The following ZNF266 variants were observed in gnomAD, a reference collection of about 807,000 sequenced individuals.
ZNF266 encodes zinc finger protein 1.
ZNF266 carries 16 observed loss-of-function variants against 16.4 expected under a neutral mutation model. The ratio of observed to expected loss-of-function variants is 0.98; its 90% CI spans 0.66 to 1.48. ZNF266 has a LOEUF of 1.48. Among genes scored for constraint, ZNF266 ranks in the 40% most tolerant of loss-of-function variants. ZNF266 has a pLI of 0.00. For missense variants in ZNF266, 738 were observed against 689.1 expected, an observed-to-expected ratio of 1.07 and a Z score of -0.79; for synonymous variants, 262 against 237.9, an observed-to-expected ratio of 1.10 and a Z score of -0.93.
intron 5 of ZNF266, among the ~76,000 whole-genome samples, chr19:9,424,100 ATCT>A (rs2070342251): frequency 6.6e-6 from 1 of 151,958 alleles, no homozygotes; most frequent in South Asian, 2.1e-4. Flanking sequence ...TGGTCTGGAG[ATCT>A]TCTTAGACCC....
chr19:9,417,788 C>G, intron 9 of ZNF266, 40 bp downstream of exon 9: 1 of 1,525,704 alleles, frequency 6.6e-7, no homozygotes, highest in Non-Finnish European at 9.1e-7. Flanking sequence ...TATAAACATA[C>G]TGAACTTATT....
intron 5 of ZNF266, among the ~76,000 whole-genome samples, chr19:9,425,953 G>A (rs1212410014): frequency 2.0e-5 from 3 of 152,144 alleles, no homozygotes; most frequent in Non-Finnish European, 4.4e-5. Flanking sequence ...TTAGCGGAGT[G>A]CAAGAGGAAG....
In ZNF266 at chr19:9,413,605, T is replaced by C. The variant is rs1340872039; in HGVS notation, c.1521A>G (p.Glu507=). The C allele has an allele frequency of 4.3e-6, 7 of 1,613,954 alleles. No individual in the cohort carries two copies. The South Asian group carries it at 7.7e-5, about 18-fold the overall frequency. The stretch of plus-strand genomic sequence containing the variant: ...AGGAATGCGTAAATGCTTTACCACA[T>C]TCCAGGCACTCAAAGGGCTTCTCTC... The part of the protein sequence containing the change: ...HTGEKPFECL[E]CGKAFTHSSS... Residue 507 remains glutamate (E), a synonymous_variant, in exon 11 of 11, where the codon GAA becomes GAG. Coordinates refer to ENST00000592904, the MANE Select transcript of ZNF266 (RefSeq NM_001370374.1).
rs1434237721 is a variant in ZNF266, at chr19:9,414,417, G to C, written c.709C>G (p.His237Asp). 2.5e-6 allele frequency: 4 copies of C among 1,614,074 alleles called. No homozygotes were observed. The African/African-American group carries it at 5.3e-5, about 22-fold the overall frequency. The change falls in exon 11 of 11, where the codon CAC becomes GAC. Residue 237 changes from histidine to aspartate, a missense_variant. By Grantham distance (81) the His-to-Asp change is moderately conservative. Coordinates refer to ENST00000592904, the MANE Select transcript of ZNF266 (RefSeq NM_001370374.1). ...DSGKSFINHS[H>D]LQGHLRTHNG... is the part of the protein sequence containing the mutation. ...TGAGTTCTTAAATGTCCCTGAAGGT[G>C]TGAATGATTAATGAAGGATTTCCCA...
Position 9,414,173 on chromosome 19 carries a change from C to A in ZNF266, c.953G>T (p.Arg318Met), listed in dbSNP as rs775333623. The change falls in exon 11 of 11, where the codon AGG becomes ATG. Residue 318 changes from arginine to methionine, a missense_variant. Coordinates refer to ENST00000592904, the MANE Select transcript of ZNF266 (RefSeq NM_001370374.1). ...ECKECGKAFTRSCQLTQHRKT... is the reference protein window; with the variant it reads ...ECKECGKAFTMSCQLTQHRKT... Reference sequence around the variant, plus strand: ...TCTGTGCTGAGTAAGTTGACAAGACCTGGTGAAGGCTTTCCCACACTCCTT... The same window carrying A: ...TCTGTGCTGAGTAAGTTGACAAGACATGGTGAAGGCTTTCCCACACTCCTT... 6.2e-7 allele frequency: 1 copy of A among 1,612,870 alleles called. No individual in the cohort carries two copies. Among genetic ancestry groups the A allele is most frequent in the South Asian group, 1.1e-5 (1 of 91,012 alleles).
intron 9 of ZNF266, among the ~76,000 whole-genome samples, chr19:9,416,101 C>T (rs566215704): frequency 7.6e-4 from 116 of 152,312 alleles, no homozygotes; most frequent in African/African-American, 2.6e-3. Flanking sequence ...GGATTACAGG[C>T]ATTAGCCACC....
intron 9 of ZNF266, 133 bp downstream of exon 9, chr19:9,417,695 C>T (rs2069263525): frequency 4.6e-6 from 3 of 658,662 alleles, no homozygotes; most frequent in Non-Finnish European, 7.8e-6. Context: ...TTGCAGTGAG[C>T]TGAGACTGTG....
chr19:9,416,318 T>C (rs561263806), intron 9 of ZNF266, among the ~76,000 whole-genome samples: 5 of 150,530 alleles, frequency 3.3e-5, no homozygotes, highest in East Asian at 1.9e-4. Flanking sequence ...AGTTGAGGAA[T>C]AGAACAAAAA....
At position 9,414,497 on chromosome 19, in the gene ZNF266, T is replaced by C; in HGVS notation, c.629A>G (p.Asp210Gly). Reference sequence around the variant, plus strand: ...TGTGCACGTTCTCTGGCAAACAACATCTGGGTTCAGGCTGAAGGCTTTTCC... The same window carrying C: ...TGTGCACGTTCTCTGGCAAACAACACCTGGGTTCAGGCTGAAGGCTTTTCC... The part of the protein sequence containing the change: ...QCGKAFSLNP[D>G]VVCQRTCTGE... Residue 210 changes from aspartate to glycine, a missense_variant, in exon 11 of 11, where the codon GAT (aspartate) becomes GGT (glycine). By Grantham distance (94) the Asp-to-Gly change is moderately conservative (BLOSUM62 -1). Transcript: ENST00000592904. 6.2e-7 allele frequency: 1 copy of C among 1,614,206 alleles called. No homozygotes were observed. The highest frequency in any genetic ancestry group is 8.5e-7 in the Non-Finnish European group (1 of 1,180,024).
At chr19:9,432,674 A>G (rs1362964793) in intron 5 of ZNF266, among the ~76,000 whole-genome samples, 1 of 152,236 alleles carries the variant, frequency 6.6e-6, no homozygotes, top group Non-Finnish European at 1.5e-5. Context: ...CACTTCTAAT[A>G]TTAAATATTG....
rs1200139369 is a variant in ZNF266 at position 9,413,561 on chromosome 19, A to G, written c.1565T>C (p.Met522Thr). ...TGGTTTTTTGGCGCTGTGGGTCCGC[A>G]TGTGATTATTAAGACTGGAGGAATG... Reference protein sequence around the residue: ...FTHSSSLNNHMRTHSAKKPFT... With the variant: ...FTHSSSLNNHTRTHSAKKPFT... Residue 522 changes from methionine to threonine, a missense_variant, in exon 11 of 11, where the codon ATG becomes ACG. Physicochemically the swap from Met to Thr is moderately conservative, Grantham distance 81. Coordinates refer to ENST00000592904, the MANE Select transcript of ZNF266 (RefSeq NM_001370374.1). 1.9e-6 allele frequency: 3 copies of G among 1,614,044 alleles called. No individual in the cohort carries two copies. The highest frequency in any genetic ancestry group is 2.5e-6 in the Non-Finnish European group (3 of 1,180,032).
Position 9,435,518 on chromosome 19 carries a change from C to G in ZNF266, c.-792G>C, listed in dbSNP as rs955651007. On this transcript the variant is annotated 5_prime_UTR_variant, in exon 1 of 11. Coordinates refer to ENST00000592904, the MANE Select transcript of ZNF266 (RefSeq NM_001370374.1). ...TCGCCAAAGCTGTATTAAGCCCAAA[C>G]GCCACCAGGAAGAAAACGGGTTTGG... 20 of 152,258 alleles carry G rather than the reference C, an allele frequency of 1.3e-4. No homozygotes were observed. The highest frequency in any genetic ancestry group is 4.8e-4 in the African/African-American group (20 of 41,456). 9.4% of individuals were successfully genotyped at this position (152,258 alleles called of 1,614,324 possible).
chr19:9,423,211 A>G (rs1253862757), intron 5 of ZNF266, among the ~76,000 whole-genome samples: 2 of 152,072 alleles, frequency 1.3e-5, no homozygotes, highest in Non-Finnish European at 1.5e-5. Flanking sequence ...GAAAGCAGAA[A>G]TCAACACTGA....
At chr19:9,422,177 G>A (rs897065239) in intron 5 of ZNF266, among the ~76,000 whole-genome samples, 3 of 151,960 alleles carry the variant, frequency 2.0e-5, no homozygotes, top group Non-Finnish European at 4.4e-5. Context: ...TTATCATAAG[G>A]AACTCTGCGA....
intron 5 of ZNF266, among the ~76,000 whole-genome samples, chr19:9,426,362 T>C (rs1327135605): frequency 6.6e-6 from 1 of 151,998 alleles, no homozygotes; most frequent in African/African-American, 2.4e-5. Flanking sequence ...AAGAAACTGA[T>C]TGTCTTGAGG....
intron 5 of ZNF266, among the ~76,000 whole-genome samples, chr19:9,427,966 GA>G (rs34904685): frequency 0.57 from 85,206 of 150,172 alleles, 24,195 homozygotes; most frequent in Middle Eastern, 0.63. Context: ...ATGCCTCGAA[GA>G]AAAAAAAAAG....
intron 5 of ZNF266, among the ~76,000 whole-genome samples, chr19:9,423,639 C>T (rs1359687939): frequency 3.3e-5 from 5 of 152,118 alleles, no homozygotes; most frequent in African/African-American, 9.7e-5. Flanking sequence ...TCAAGGTGTA[C>T]GCTTTGAGTC....
chr19:9,421,882 C>T lies in ZNF266; in HGVS notation c.-129-1664G>A, dbSNP rs962010807. On this transcript the variant is annotated intron_variant, in intron 5 of 10. Coordinates refer to ENST00000592904, the MANE Select transcript of ZNF266 (RefSeq NM_001370374.1). ...TTTTTTTTCTTTTGAGACGGAGGCT[C>T]GCTCTGTCACCCAGGCTGGAGTGCA... is the stretch of plus-strand genomic sequence containing the variant. 4.0e-5 allele frequency among the ~76,000 whole-genome samples: 6 copies of T among 151,800 alleles called. No individual in the cohort carries two copies. In the East Asian group the frequency reaches 7.7e-4, roughly 20 times the overall value.
intron 9 of ZNF266, among the ~76,000 whole-genome samples, chr19:9,417,506 A>C (rs2069221555): frequency 6.6e-6 from 1 of 152,234 alleles, no homozygotes; most frequent in African/African-American, 2.4e-5. Context: ...AGGTGGGCAG[A>C]TCATGAGATC....
Sources: allele counts gnomAD v4.1 joint callset (sites outside exome capture counted in the v4.1 genomes callset), GRCh38; gene constraint gnomAD v4.1.1; transcripts MANE v1.5; gene names NCBI Gene and HGNC (gene_info 2026-07-23, HGNC 2026-07-21).